NUP205: variants seen among roughly 807,000 people sequenced by gnomAD.
NUP205 encodes nucleoporin 205.
In NUP205, 76 loss-of-function variants were observed where a neutral mutation model predicts 253.8. The ratio of observed to expected loss-of-function variants is 0.30; its 90% CI spans 0.25 to 0.36. NUP205 has a LOEUF of 0.36. NUP205 is among the 10% of genes least tolerant of loss of function. NUP205 has a pLI of 1.00. For synonymous variants in NUP205, 832 were observed against 850.1 expected, an observed-to-expected ratio of 0.98 and a Z score of 0.37; for missense variants, 2,162 against 2,425.5, an observed-to-expected ratio of 0.89 and a Z score of 2.28.
intron 22 of NUP205, among the ~76,000 whole-genome samples, chr7:135,609,755 G>A (rs1166029647): frequency 1.3e-5 from 2 of 151,616 alleles, no homozygotes; most frequent in African/African-American, 4.8e-5. Context: ...TATCTTTTCT[G>A]TCCTCCGGCT....
intron 17 of NUP205, 103 bp downstream of exon 17, chr7:135,601,610 G>C: frequency 8.0e-7 from 1 of 1,249,644 alleles, no homozygotes; most frequent in Non-Finnish European, 1.1e-6. Flanking sequence ...ATTTTTCACT[G>C]TAAGATTCTC....
At chr7:135,601,015 A>G (rs1438672159) in intron 16 of NUP205, 46 bp downstream of exon 16, 1 of 1,007,112 alleles carries the variant, frequency 9.9e-7, no homozygotes, top group East Asian at 2.5e-5. Context: ...ACTATTTATA[A>G]TTTATAAATT....
At position 135,597,950 on chromosome 7, in the gene NUP205, A is replaced by G. The variant is rs79816318; in HGVS notation, c.2065-48A>G. Reference sequence around the variant, plus strand: ...ATGTCTGCATAATACTCTTCACTTCATAGCTAATAGTTTTTATTACCAAGT... The same window carrying G: ...ATGTCTGCATAATACTCTTCACTTCGTAGCTAATAGTTTTTATTACCAAGT... On this transcript the variant is annotated intron_variant, in intron 14 of 42. Coordinates refer to ENST00000285968, the MANE Select transcript of NUP205 (RefSeq NM_015135.3). The G allele has an allele frequency of 0.11, 162,664 of 1,432,926 alleles. 10,430 individuals are homozygous for G. Among genetic ancestry groups the G allele is most frequent in the Non-Finnish European group, 0.13 (134,649 of 1,017,922 alleles). 88.8% of individuals were successfully genotyped at this position (1,432,926 alleles called of 1,614,324 possible). A position where few individuals can be genotyped will look rare whatever the true frequency, so the allele number is the denominator to read the frequency against.
intron 18 of NUP205, among the ~76,000 whole-genome samples, 155 bp from the exon 19 acceptor site, chr7:135,604,185 C>T (rs1794033709): frequency 6.6e-6 from 1 of 152,216 alleles, no homozygotes; most frequent in Non-Finnish European, 1.5e-5. Flanking sequence ...CAACCCCTAA[C>T]AGACTGCATC....
intron 7 of NUP205, among the ~76,000 whole-genome samples, chr7:135,583,797 T>C (rs1806377005): frequency 1.3e-5 from 2 of 151,840 alleles, no homozygotes; most frequent in African/African-American, 2.4e-5. Context: ...AATGGTGTTG[T>C]GTGTGAGTAT....
chr7:135,637,079 A>G (rs145094940), intron 36 of NUP205, among the ~76,000 whole-genome samples: 1 of 152,356 alleles, frequency 6.6e-6, no homozygotes, highest in East Asian at 1.9e-4. Flanking sequence ...CTAAATCTGT[A>G]TATTGTATTA....
At chr7:135,615,316 T>A (rs1250084344) in intron 23 of NUP205, among the ~76,000 whole-genome samples, 1 of 152,108 alleles carries the variant, frequency 6.6e-6, no homozygotes, top group African/African-American at 2.4e-5. Context: ...ATCCCAGTGC[T>A]TAGGTAGGCT....
chr7:135,641,439 A>G (rs1182652350), intron 38 of NUP205, among the ~76,000 whole-genome samples: 1 of 152,200 alleles, frequency 6.6e-6, no homozygotes, highest in Non-Finnish European at 1.5e-5. Context: ...GCATCCACAG[A>G]CAAAGGACTC....
In NUP205 at chr7:135,615,997, G is replaced by A. The variant is rs1794348341; in HGVS notation, c.3392G>A (p.Arg1131His). ...SIELRVTSLN[R>H]QRSHTQRLLH... is the part of the protein sequence containing the mutation. ...GAGCTAAGGGTAACCTCTCTGAATC[G>A]TCAGCGGTCACATACCCAGAGGCTC... Residue 1131 changes from arginine to histidine, a missense_variant, in exon 24 of 43, where the codon CGT becomes CAT. Physicochemically the swap from Arg to His is conservative, Grantham distance 29. Transcript: ENST00000285968. 1.2e-6 allele frequency: 2 copies of A among 1,613,702 alleles called. No individual in the cohort carries two copies. Among genetic ancestry groups the A allele is most frequent in the Non-Finnish European group, 1.7e-6 (2 of 1,179,686 alleles).
At chr7:135,581,476 G>GAC (rs201743523) in intron 7 of NUP205, among the ~76,000 whole-genome samples, 5,163 of 152,256 alleles carry the variant, frequency 0.034, 117 homozygotes, top group Middle Eastern at 0.096. Context: ...GAGCCCAGGA[G>GAC]AGAGGCTGTA....
intron 8 of NUP205, among the ~76,000 whole-genome samples, chr7:135,585,428 G>A (rs1257355888): frequency 6.6e-6 from 1 of 152,188 alleles, no homozygotes; most frequent in Admixed American, 6.5e-5. Flanking sequence ...AAATGCTTCT[G>A]TGGGTAGAAA....
intron 1 of NUP205, among the ~76,000 whole-genome samples, chr7:135,570,676 TA>T (rs1563109863): frequency 1.7e-5 from 2 of 118,692 alleles, no homozygotes; most frequent in Non-Finnish European, 3.3e-5. Flanking sequence ...ATAATTAATA[TA>T]TATTAATTAT....
rs377447381 is a variant in NUP205, at chr7:135,593,091, G to C, written c.1729G>C (p.Asp577His). ...CCTTCGGAAGGATCTTCCAAGTGCAGATAGTGTCCAGTACCGTCACCTTCC... is the reference window on the plus strand; with the variant it reads ...CCTTCGGAAGGATCTTCCAAGTGCACATAGTGTCCAGTACCGTCACCTTCC... Reference protein sequence around the residue: ...EHLRKDLPSADSVQYRHLPSR... With the variant: ...EHLRKDLPSAHSVQYRHLPSR... The change falls in exon 12 of 43, where the codon GAT becomes CAT. Residue 577 changes from aspartate (D) to histidine (H), a missense_variant. Around this residue, in one of 5 missense-constraint regions of NUP205, gnomAD observed 892 missense variants for 957.1 expected, o/e 0.93. Coordinates refer to ENST00000285968, the MANE Select transcript of NUP205 (RefSeq NM_015135.3). 1 of 1,614,118 alleles carries C rather than the reference G, an allele frequency of 6.2e-7. No individual in the cohort carries two copies. Among genetic ancestry groups the C allele is most frequent in the East Asian group, 2.2e-5 (1 of 44,876 alleles).
chr7:135,569,658 A>AT (rs1805888976), intron 1 of NUP205, among the ~76,000 whole-genome samples: 1 of 152,068 alleles, frequency 6.6e-6, no homozygotes, highest in African/African-American at 2.4e-5. Flanking sequence ...AGACATAATC[A>AT]TACATGTAAA....
At chr7:135,603,805 C>T (rs148321822) in intron 18 of NUP205, among the ~76,000 whole-genome samples, 5 of 152,258 alleles carry the variant, frequency 3.3e-5, no homozygotes, top group African/African-American at 4.8e-5. Flanking sequence ...CCGCTGTGCC[C>T]ACCCGAAATC....
intron 1 of NUP205, among the ~76,000 whole-genome samples, chr7:135,568,160 T>C (rs113888704): frequency 0.013 from 2,004 of 151,454 alleles, 46 homozygotes; most frequent in African/African-American, 0.046. Flanking sequence ...GAGGTGAAAG[T>C]TGCAGTGAGC....
At chr7:135,644,444 G>A (rs185389798) in intron 39 of NUP205, among the ~76,000 whole-genome samples, 358 of 152,346 alleles carry the variant, frequency 2.3e-3, no homozygotes, top group African/African-American at 8.3e-3. Context: ...GCTTGTGTGT[G>A]TGCCACATTG....
In NUP205 at chr7:135,619,580, G is replaced by A. The variant is rs747660142; in HGVS notation, c.4121G>A (p.Cys1374Tyr). 2 of 1,614,068 alleles carry A rather than the reference G, an allele frequency of 1.2e-6. No individual in the cohort carries two copies. The highest frequency in any genetic ancestry group is 3.3e-5 in the Admixed American group (2 of 60,010). ...CATTACGCTTTTATGCTTGATAGTT[G>A]CTTCACCTCACCTCCTCCTGAAGAG... ...EAHYAFMLDS[C>Y]FTSPPPEENP... is the part of the protein sequence containing the mutation. The change falls in exon 29 of 43, where the codon TGC becomes TAC. Residue 1374 changes from cysteine to tyrosine, a missense_variant. Coordinates refer to ENST00000285968, the MANE Select transcript of NUP205 (RefSeq NM_015135.3).
At position 135,593,181 on chromosome 7, in the gene NUP205, A is replaced by G. The variant is rs1217786044; in HGVS notation, c.1819A>G (p.Ile607Val). 3 of 1,613,970 alleles carry G rather than the reference A, an allele frequency of 1.9e-6. No individual in the cohort carries two copies. The highest frequency in any genetic ancestry group is 1.1e-5 in the South Asian group (1 of 91,070). The change falls in exon 12 of 43, where the codon ATC (isoleucine) becomes GTC (valine). Residue 607 changes from isoleucine to valine, a missense_variant. Physicochemically the swap from Ile to Val is conservative, Grantham distance 29. Around this residue, in one of 5 missense-constraint regions of NUP205, gnomAD observed 892 missense variants for 957.1 expected, o/e 0.93. Coordinates refer to ENST00000285968, the MANE Select transcript of NUP205 (RefSeq NM_015135.3). ...TGCTTTTTTGCAGCTCACGTCTACC[A>G]TCATTACTTGGGTAGGTAACTCATC... Reference protein sequence around the residue: ...LIAFLQLTSTIITWSENARLA... With the variant: ...LIAFLQLTSTVITWSENARLA...
Sources: allele counts gnomAD v4.1 joint callset (sites outside exome capture counted in the v4.1 genomes callset), GRCh38; gene constraint gnomAD v4.1.1; regional missense constraint gnomAD v4.1.1; transcripts MANE v1.5; gene names NCBI Gene and HGNC (gene_info 2026-07-23, HGNC 2026-07-21).